Variants in SLC35E1 observed in about 807,000 individuals in gnomAD.
SLC35E1 encodes solute carrier family 35, member E1.
Under a neutral mutation model 31.0 loss-of-function variants are expected in SLC35E1, and 12 were observed. The ratio of observed to expected loss-of-function variants is 0.39; its 90% confidence interval spans 0.25 to 0.63. The LOEUF is 0.63. Among genes scored for constraint, SLC35E1 ranks in the 20% least tolerant of loss-of-function variants. The pLI, the probability that SLC35E1 is intolerant of heterozygous loss-of-function variation, is 0.52. For missense variants in SLC35E1, 429 were observed against 572.2 expected, an observed-to-expected ratio of 0.75 and a Z score of 2.55; for synonymous variants, 257 against 264.1, an observed-to-expected ratio of 0.97 and a Z score of 0.26.
chr19:16,566,704 C>A lies in SLC35E1; in HGVS notation c.631-47G>T. 4 of 1,575,268 alleles carry A rather than the reference C, an allele frequency of 2.5e-6. No individual in the cohort carries two copies. The Admixed American group carries it at 5.6e-5, about 22-fold the overall frequency. On this transcript the variant is annotated intron_variant, in intron 3 of 5. Coordinates refer to ENST00000595753, the MANE Select transcript of SLC35E1 (RefSeq NM_024881.5). The stretch of plus-strand genomic sequence containing the variant: ...AGAGGGTGATTAAAACTATATGTGG[C>A]AAAAAGGGCTCCAGTGACTCAGGCC...
chr19:16,566,179 A>AATAAAC (rs2085931386), intron 4 of SLC35E1: 1 of 172,422 alleles, frequency 5.8e-6, no homozygotes, highest in East Asian at 1.7e-4. Context: ...GTCTCTAAAA[A>AATAAAC]ATAAACATTT....
intron 4 of SLC35E1, among the ~76,000 whole-genome samples, chr19:16,561,244 G>GA (rs373424416): frequency 3.5e-4 from 25 of 71,810 alleles, no homozygotes; most frequent in African/African-American, 8.2e-4. Flanking sequence ...AAAAAAAAAA[G>GA]AAAGAAAAGA....
Position 16,555,322 on chromosome 19 carries a change from T to C in SLC35E1, c.832A>G (p.Ile278Val). ...SGFCNFAQNV[I>V]AFSILNLVSP... ...ACGAGGTTGAGGATGCTGAAGGCGA[T>C]AACATTCTGGGCAAAGTTACAGAAG... Residue 278 changes from isoleucine (I) to valine (V), a missense_variant, in exon 5 of 6, where the codon ATC becomes GTC. Ile to Val is a conservative substitution (Grantham distance 29). Coordinates refer to ENST00000595753, the MANE Select transcript of SLC35E1 (RefSeq NM_024881.5). This position sits in a 1 kb window ranked among gnomAD's most constrained non-coding sequence, Gnocchi z 4.1. 3 of 1,614,160 alleles carry C rather than the reference T, an allele frequency of 1.9e-6. No individual in the cohort carries two copies. Among genetic ancestry groups the C allele is most frequent in the Non-Finnish European group, 1.7e-6 (2 of 1,180,032 alleles).
rs776300851 is a variant in SLC35E1 at position 16,555,133 on chromosome 19, C to G, written c.1002+19G>C. 6.2e-7 allele frequency: 1 copy of G among 1,613,324 alleles called. No homozygotes were observed. The highest frequency in any genetic ancestry group is 1.1e-5 in the South Asian group (1 of 91,036). ...TGGGGGGCCGGCTTCCTTCCCTGCCCAGCCTCTCAGACTCTCACCTTGTTA... is the reference window on the plus strand; with the variant it reads ...TGGGGGGCCGGCTTCCTTCCCTGCCGAGCCTCTCAGACTCTCACCTTGTTA... On this transcript the variant is annotated intron_variant, in intron 5 of 5. Coordinates refer to ENST00000595753, the MANE Select transcript of SLC35E1 (RefSeq NM_024881.5). This position sits in a 1 kb window ranked among gnomAD's most constrained non-coding sequence, Gnocchi z 4.1.
intron 4 of SLC35E1, among the ~76,000 whole-genome samples, chr19:16,558,782 T>G (rs1323778398): frequency 6.6e-6 from 1 of 150,816 alleles, no homozygotes; most frequent in Non-Finnish European, 1.5e-5. Flanking sequence ...TTTTTTTTTT[T>G]TTTTTGAGAT....
intron 4 of SLC35E1, among the ~76,000 whole-genome samples, chr19:16,562,804 G>A (rs578098283): frequency 3.3e-5 from 5 of 152,202 alleles, no homozygotes; most frequent in African/African-American, 1.2e-4. Flanking sequence ...ACCTTCCCGG[G>A]CTCAAGTGAT....
chr19:16,554,268 A>AG (rs2085862641), intron 5 of SLC35E1, among the ~76,000 whole-genome samples: 1 of 120,720 alleles, frequency 8.3e-6, no homozygotes, highest in Non-Finnish European at 1.8e-5. Context: ...GCTGTCTCAG[A>AG]AAAAAAAAAA....
intron 4 of SLC35E1, among the ~76,000 whole-genome samples, chr19:16,559,463 T>TAC (rs61643316): frequency 0.023 from 3,209 of 142,366 alleles, 58 homozygotes; most frequent in African/African-American, 0.047. Flanking sequence ...CTACAAAAAA[T>TAC]ACACACACAC....
At chr19:16,558,695 G>A (rs1460162334) in intron 4 of SLC35E1, among the ~76,000 whole-genome samples, 2 of 151,590 alleles carry the variant, frequency 1.3e-5, no homozygotes, top group East Asian at 1.9e-4. Context: ...ACTGGATAAT[G>A]TAGACTGATT....
At chr19:16,562,870 G>C (rs974078010) in intron 4 of SLC35E1, among the ~76,000 whole-genome samples, 1 of 152,130 alleles carries the variant, frequency 6.6e-6, no homozygotes, top group African/African-American at 2.4e-5. Context: ...CACCATGCCG[G>C]GTTAATTTTT....
At chr19:16,557,377 T>C (rs144431084) in intron 4 of SLC35E1, among the ~76,000 whole-genome samples, 4,456 of 152,174 alleles carry the variant, frequency 0.029, 249 homozygotes, top group African/African-American at 0.1. Flanking sequence ...GTATTTTTAG[T>C]AGAGACGGGG....
rs2085847942 is a variant in SLC35E1, at chr19:16,551,961, AGG to A, written c.*1716_*1717del. ...GAGATGGGGTTTCACCATGTTGGCCAGGGTGGTCTCAAACTCCAGTGATCCAC... is the reference window on the plus strand; with the variant it reads ...GAGATGGGGTTTCACCATGTTGGCCAGTGGTCTCAAACTCCAGTGATCCAC... On this transcript the variant is annotated 3_prime_UTR_variant, in exon 6 of 6. Transcript: ENST00000595753. 1 of 151,992 alleles carries A rather than the reference AGG, an allele frequency of 6.6e-6. No homozygotes were observed. Among genetic ancestry groups the A allele is most frequent in the African/African-American group, 2.4e-5 (1 of 41,384 alleles). 9.4% of individuals were successfully genotyped at this position (151,992 alleles called of 1,614,324 possible).
intron 3 of SLC35E1, 70 bp from the exon 4 acceptor site, chr19:16,566,727 G>A: frequency 6.5e-7 from 1 of 1,543,072 alleles, no homozygotes; most frequent in South Asian, 1.2e-5. Flanking sequence ...AGTGACTCAG[G>A]CCCCAAACAC....
At chr19:16,571,771 C>T (rs1300384030) in intron 1 of SLC35E1, among the ~76,000 whole-genome samples, 173 bp downstream of exon 1, 1 of 152,208 alleles carries the variant, frequency 6.6e-6, no homozygotes, top group Non-Finnish European at 1.5e-5. Context: ...CTTCTCAGCT[C>T]CTCTTCTCCC....
At chr19:16,561,213 C>CAAAAAAAAAAACAAAAAAA (rs2085904086) in intron 4 of SLC35E1, among the ~76,000 whole-genome samples, 1 of 24,744 alleles carries the variant, frequency 4.0e-5, no homozygotes, top group Non-Finnish European at 5.9e-5. Flanking sequence ...GACTCCATCT[C>CAAAAAAAAAAACAAAAAAA]AAAAAAAAAA....
chr19:16,550,213 G>C lies in SLC35E1; in HGVS notation c.*3466C>G, dbSNP rs970604743. 6.6e-6 allele frequency: 1 copy of C among 152,220 alleles called. No homozygotes were observed. Among genetic ancestry groups the C allele is most frequent in the African/African-American group, 2.4e-5 (1 of 41,458 alleles). 9.4% of individuals were successfully genotyped at this position (152,220 alleles called of 1,614,324 possible). On this transcript the variant is annotated 3_prime_UTR_variant, in exon 6 of 6. Coordinates refer to ENST00000595753, the MANE Select transcript of SLC35E1 (RefSeq NM_024881.5). ...AAAATTCTGCAGTGAGTCTCGCCAT[G>C]GTGAACAAACATGATTCAGAAATGC...
rs1017948447 is a variant in SLC35E1, at chr19:16,572,383, C to A, written c.-19G>T. 6 of 996,900 alleles carry A rather than the reference C, an allele frequency of 6.0e-6. No homozygotes were observed. The highest frequency in any genetic ancestry group is 1.1e-4 in the East Asian group (1 of 9,118). The allele number at this position is 996,900 out of a possible 1,614,324, so 61.8% of individuals were successfully genotyped here. A position where few individuals can be genotyped will look rare whatever the true frequency, so the allele number is the denominator to read the frequency against. On this transcript the variant is annotated 5_prime_UTR_variant, in exon 1 of 6. Transcript: ENST00000595753. This position sits in a 1 kb window ranked among gnomAD's most constrained non-coding sequence, Gnocchi z 4.1. ...CCGCCATCCTGCCCGAGCGGCCGCC[C>A]CTTCCAGCCCGTCCGACGGCCCGAC...
chr19:16,564,887 T>G, intron 4 of SLC35E1: 1 of 316,572 alleles, frequency 3.2e-6, no homozygotes, highest in Non-Finnish European at 6.3e-6. Flanking sequence ...AGCTCATCAA[T>G]GTGAAACGAA....
At chr19:16,558,630 C>T (rs1339229625) in intron 4 of SLC35E1, among the ~76,000 whole-genome samples, 1 of 152,174 alleles carries the variant, frequency 6.6e-6, no homozygotes, top group Non-Finnish European at 1.5e-5. Flanking sequence ...GCATGAACCA[C>T]TGCACCCAGC....
Sources: gnomAD v4.1 joint callset for allele counts (sites outside exome capture counted in the v4.1 genomes callset) on GRCh38, gnomAD v4.1.1 for gene constraint, Gnocchi (gnomAD v3.1) non-coding constraint, MANE v1.5 for transcripts, NCBI Gene and HGNC (gene_info 2026-07-23, HGNC 2026-07-21) for gene names.